Variants in MAGI2 observed in about 807,000 individuals in gnomAD.
The protein encoded by MAGI2 is membrane associated guanylate kinase, WW and PDZ domain containing 2, also known as membrane-associated guanylate kinase, WW and PDZ domain-containing protein 2.
MAGI2 carries 35 observed loss-of-function variants against 133.3 expected under a neutral mutation model. The ratio of observed to expected loss-of-function variants is 0.26; its 90% CI spans 0.20 to 0.35. The LOEUF (loss-of-function observed/expected upper bound fraction) is 0.35. MAGI2 is among the 10% of genes least tolerant of loss of function. MAGI2 has a pLI of 1.00. For synonymous variants in MAGI2, 729 were observed against 710.6 expected (o/e 1.03, Z -0.41); for missense variants, 1,636 against 1,863.4 (o/e 0.88, Z 2.25).
At chr7:78,936,546 A>G (rs1166011045) in intron 2 of MAGI2, among the ~76,000 whole-genome samples, 2 of 152,044 alleles carry the variant, frequency 1.3e-5, no homozygotes, top group Admixed American at 6.6e-5. Flanking sequence ...TGCTTATGCT[A>G]TATATTTTGA....
intron 2 of MAGI2, among the ~76,000 whole-genome samples, chr7:78,731,376 A>G (rs1332802407): frequency 6.6e-6 from 1 of 152,160 alleles, no homozygotes; most frequent in Middle Eastern, 3.2e-3. Flanking sequence ...TCCACTCTGG[A>G]ATACAGCCTG....
chr7:79,088,312 T>C (rs890467185), intron 1 of MAGI2, among the ~76,000 whole-genome samples: 1 of 152,120 alleles, frequency 6.6e-6, no homozygotes, highest in Admixed American at 6.6e-5. Context: ...GCCCTCTGTT[T>C]GTCTGTTAAT....
chr7:78,384,543 A>G (rs1056055454), intron 6 of MAGI2, among the ~76,000 whole-genome samples: 1 of 152,200 alleles, frequency 6.6e-6, no homozygotes, highest in Non-Finnish European at 1.5e-5. Flanking sequence ...AATAATCCTA[A>G]TGCAATAAAT....
intron 2 of MAGI2, among the ~76,000 whole-genome samples, chr7:78,824,598 C>A (rs1790461392): frequency 1.3e-5 from 2 of 149,020 alleles, no homozygotes; most frequent in African/African-American, 4.9e-5. Flanking sequence ...AGTTCATATC[C>A]TTCACGCACT....
chr7:78,256,615 A>G, intron 9 of MAGI2, 34 bp from the exon 10 acceptor site: 2 of 1,545,510 alleles, frequency 1.3e-6, no homozygotes, highest in Non-Finnish European at 1.8e-6. Context: ...AACATGAGGT[A>G]AGTTCAATTA....
At chr7:78,408,186 A>C (rs1352755894) in intron 6 of MAGI2, among the ~76,000 whole-genome samples, 2 of 152,080 alleles carry the variant, frequency 1.3e-5, no homozygotes, top group Non-Finnish European at 2.9e-5. Context: ...ATCATGTACA[A>C]ATTGACACTC....
chr7:79,357,368 G>T (rs896319552), intron 1 of MAGI2, among the ~76,000 whole-genome samples: 1 of 151,784 alleles, frequency 6.6e-6, no homozygotes, highest in Non-Finnish European at 1.5e-5. Context: ...TGCCAACTCA[G>T]AAAGGGCATA....
chr7:79,292,260 C>A (rs952664679), intron 1 of MAGI2, among the ~76,000 whole-genome samples: 1 of 152,058 alleles, frequency 6.6e-6, no homozygotes, highest in Non-Finnish European at 1.5e-5. Context: ...TATACAATTT[C>A]ATTTATTTAC....
chr7:79,064,784 T>C (rs1158964634), intron 1 of MAGI2, among the ~76,000 whole-genome samples: 1 of 152,096 alleles, frequency 6.6e-6, no homozygotes, highest in Non-Finnish European at 1.5e-5. Context: ...ACTTTGTTGG[T>C]GGCTAGATTC....
intron 2 of MAGI2, among the ~76,000 whole-genome samples, chr7:78,995,224 G>T (rs1250300901): frequency 6.6e-6 from 1 of 152,056 alleles, no homozygotes; most frequent in African/African-American, 2.4e-5. Flanking sequence ...TTACAAGTTT[G>T]TGTTGGGCTG....
intron 2 of MAGI2, among the ~76,000 whole-genome samples, chr7:78,926,806 T>C (rs886378586): frequency 2.0e-5 from 3 of 151,834 alleles, no homozygotes; most frequent in African/African-American, 7.3e-5. Context: ...GTAGGAGAAA[T>C]CTTTGTGTTT....
intron 3 of MAGI2, among the ~76,000 whole-genome samples, chr7:78,535,791 A>G (rs1203617431): frequency 6.6e-6 from 1 of 152,002 alleles, no homozygotes; most frequent in African/African-American, 2.4e-5. Context: ...TCAGTGCTTG[A>G]GATATTTTGC....
intron 21 of MAGI2, among the ~76,000 whole-genome samples, chr7:78,046,131 C>A (rs375433071): frequency 9.2e-5 from 14 of 151,774 alleles, no homozygotes; most frequent in African/African-American, 2.9e-4. Context: ...CACGGTGGCT[C>A]ATGCCTGTCA....
At chr7:78,567,411 C>T (rs921475661) in intron 3 of MAGI2, among the ~76,000 whole-genome samples, 3 of 152,038 alleles carry the variant, frequency 2.0e-5, no homozygotes, top group Non-Finnish European at 4.4e-5. Context: ...CACACACACA[C>T]ACACACACAA....
intron 1 of MAGI2, among the ~76,000 whole-genome samples, chr7:79,144,476 C>T (rs1187092943): frequency 1.3e-5 from 2 of 152,180 alleles, no homozygotes; most frequent in Admixed American, 1.3e-4. Flanking sequence ...ACATGTCTGC[C>T]TTCCCTTCCA....
Position 78,677,542 on chromosome 7 carries a change from A to G in MAGI2, c.419-50303T>C, listed in dbSNP as rs1284420343. On this transcript the variant is annotated intron_variant, in intron 2 of 21. Coordinates refer to ENST00000354212, the MANE Select transcript of MAGI2 (RefSeq NM_012301.4). ...AAGATTGGTCTTTCCTATCATTAAA[A>G]AAAATAAGCATTTATCAACCAATTA... 2.0e-5 allele frequency among the ~76,000 whole-genome samples: 3 copies of G among 152,154 alleles called. No individual in the cohort carries two copies. In the East Asian group the frequency reaches 5.8e-4, roughly 29 times the overall value.
chr7:78,412,065 G>A (rs1797920113), intron 6 of MAGI2, among the ~76,000 whole-genome samples: 3 of 152,032 alleles, frequency 2.0e-5, no homozygotes, highest in Admixed American at 1.3e-4. Flanking sequence ...GGCATTGTAA[G>A]AGAATAATAT....
intron 1 of MAGI2, among the ~76,000 whole-genome samples, chr7:79,416,922 C>T (rs1466251508): frequency 1.3e-5 from 2 of 151,330 alleles, no homozygotes; most frequent in African/African-American, 2.4e-5. Context: ...TTAGTAGAGA[C>T]GGAGTTTCAC....
intron 2 of MAGI2, among the ~76,000 whole-genome samples, chr7:78,660,243 C>T (rs911764080): frequency 6.6e-6 from 1 of 151,942 alleles, no homozygotes; most frequent in South Asian, 2.1e-4. Flanking sequence ...GCACGTTGTA[C>T]ACATGTACCC....
Sources: allele counts gnomAD v4.1 joint callset (sites outside exome capture counted in the v4.1 genomes callset), GRCh38; gene constraint gnomAD v4.1.1; transcripts MANE v1.5; gene names NCBI Gene and HGNC (gene_info 2026-07-23, HGNC 2026-07-21).